Variants in ROBO2 observed in about 807,000 individuals in gnomAD.
The protein encoded by ROBO2 is roundabout homolog 2.
In ROBO2, 53 loss-of-function variants were observed where a neutral mutation model predicts 160.8. That is an observed-to-expected ratio of 0.33 (90% CI 0.26 to 0.41). The LOEUF (loss-of-function observed/expected upper bound fraction) is 0.41, where lower values mean the gene tolerates loss of function less well. ROBO2 is among the 10% of genes least tolerant of loss of function. The pLI, the probability that ROBO2 is intolerant of heterozygous loss-of-function variation, is 1.00. For missense variants in ROBO2, 1,577 were observed against 1,722.4 expected, an observed-to-expected ratio of 0.92 and a Z score of 1.49; for synonymous variants, 664 against 611.7, an observed-to-expected ratio of 1.09 and a Z score of -1.26.
chr3:76,726,563 C>G (rs1355307571), intron 2 of ROBO2, among the ~76,000 whole-genome samples: 1 of 152,014 alleles, frequency 6.6e-6, no homozygotes, highest in Non-Finnish European at 1.5e-5. Context: ...CGAGTGAGTC[C>G]TCTCCACCTC....
intron 2 of ROBO2, among the ~76,000 whole-genome samples, chr3:77,322,945 T>C (rs377541921): frequency 0.12 from 8,486 of 73,098 alleles, 21 homozygotes; most frequent in Non-Finnish European, 0.21. Flanking sequence ...TAATATATTA[T>C]ATTATATTAT....
intron 2 of ROBO2, among the ~76,000 whole-genome samples, chr3:77,238,659 G>A (rs1323569281): frequency 6.6e-6 from 1 of 152,036 alleles, no homozygotes; most frequent in East Asian, 1.9e-4. Flanking sequence ...TAGAAACAGA[G>A]TTCATTTAGT....
intron 1 of ROBO2, among the ~76,000 whole-genome samples, chr3:75,911,107 A>G (rs1457249291): frequency 6.6e-6 from 1 of 152,144 alleles, no homozygotes; most frequent in African/African-American, 2.4e-5. Context: ...AGTGTGATAT[A>G]TATTTTGAAT....
rs528326689 is a variant in ROBO2 at position 76,895,370 on chromosome 3, A to G, written c.110-202644A>G. Among the ~76,000 whole-genome samples, 72 of 152,232 alleles carry G rather than the reference A, an allele frequency of 4.7e-4. 1 individual carries two copies. Among genetic ancestry groups the G allele is most frequent in the African/African-American group, 1.6e-3 (68 of 41,582 alleles). ...AATTTTCAAATAAATAAAATTTGTG[A>G]TAGTTCACACAGAGGCCAGAACATT... On this transcript the variant is annotated intron_variant, in intron 2 of 26. Transcript: ENST00000487694.
intron 2 of ROBO2, among the ~76,000 whole-genome samples, chr3:76,086,468 C>T (rs1371826862): frequency 2.0e-5 from 3 of 152,032 alleles, no homozygotes; most frequent in South Asian, 2.1e-4. Context: ...CCTATGTCAC[C>T]CAATGGGCAG....
At position 76,261,398 on chromosome 3, in the gene ROBO2, G is replaced by A. The variant is rs1046553710; in HGVS notation, c.109+323796G>A. ...AATTTCTTATATGATTTTAAGGGTG[G>A]CACAAATTTTTCTCCTTCAGATAAT... On this transcript the variant is annotated intron_variant, in intron 2 of 26. Transcript: ENST00000487694. Among the ~76,000 whole-genome samples, 75 of 151,788 alleles carry A rather than the reference G, an allele frequency of 4.9e-4. 1 individual carries two copies. Among genetic ancestry groups the A allele is most frequent in the Middle Eastern group, 3.4e-3 (1 of 294 alleles).
At chr3:76,304,957 A>C (rs2071264437) in intron 2 of ROBO2, among the ~76,000 whole-genome samples, 1 of 151,840 alleles carries the variant, frequency 6.6e-6, no homozygotes, top group African/African-American at 2.4e-5. Flanking sequence ...GTGTTCAGGG[A>C]GATGAGTTAC....
intron 23 of ROBO2, chr3:77,630,996 A>G (rs2095149891): frequency 6.7e-6 from 1 of 150,258 alleles, no homozygotes; most frequent in Non-Finnish European, 1.5e-5. Flanking sequence ...TGCAAAGCCT[A>G]CTGCATTATT....
intron 2 of ROBO2, among the ~76,000 whole-genome samples, chr3:76,433,439 A>G (rs1441510861): frequency 1.3e-5 from 2 of 152,228 alleles, no homozygotes; most frequent in African/African-American, 4.8e-5. Flanking sequence ...CCAGTATTTT[A>G]TCTGGCAACC....
intron 2 of ROBO2, among the ~76,000 whole-genome samples, chr3:77,277,212 C>CTTTCTTTCTTTCTTTCTTTCTTCTTTCT (rs762489739): frequency 1.2e-5 from 1 of 80,054 alleles, no homozygotes; most frequent in African/African-American, 5.0e-5. Context: ...TTCTTTCTTT[C>CTTTCTTTCTTTCTTTCTTTCTTCTTTCT]TTCTTTCTTT....
At chr3:75,908,103 A>G (rs866713783) in intron 1 of ROBO2, among the ~76,000 whole-genome samples, 1 of 152,150 alleles carries the variant, frequency 6.6e-6, no homozygotes, top group African/African-American at 2.4e-5. Flanking sequence ...AGTTAGTCAC[A>G]TGACACACTG....
At chr3:76,550,898 G>T (rs1038914093) in intron 2 of ROBO2, among the ~76,000 whole-genome samples, 14 of 152,208 alleles carry the variant, frequency 9.2e-5, no homozygotes, top group African/African-American at 3.4e-4. Flanking sequence ...GCTTAGTGCA[G>T]GCCTGCAGGC....
chr3:76,154,416 G>T (rs1480411326), intron 2 of ROBO2, among the ~76,000 whole-genome samples: 1 of 152,108 alleles, frequency 6.6e-6, no homozygotes, highest in African/African-American at 2.4e-5. Context: ...AGATTAGATA[G>T]AAAAGTTCAC....
chr3:76,067,744 A>G (rs1245366985), intron 2 of ROBO2, among the ~76,000 whole-genome samples: 2 of 152,180 alleles, frequency 1.3e-5, no homozygotes, highest in Non-Finnish European at 2.9e-5. Context: ...GAAAACTACA[A>G]TACCCTCTAG....
At chr3:77,003,899 A>T (rs905417162) in intron 2 of ROBO2, among the ~76,000 whole-genome samples, 16 of 152,194 alleles carry the variant, frequency 1.1e-4, no homozygotes, top group Middle Eastern at 3.4e-3. Flanking sequence ...AAGTTGTGAG[A>T]TGCATGTTTT....
At chr3:77,163,132 G>T (rs1227747296) in intron 2 of ROBO2, among the ~76,000 whole-genome samples, 1 of 152,068 alleles carries the variant, frequency 6.6e-6, no homozygotes, top group Non-Finnish European at 1.5e-5. Context: ...CACCGTACCT[G>T]GCCAAGGGTA....
chr3:76,798,211 G>GAA (rs1303364315), intron 2 of ROBO2, among the ~76,000 whole-genome samples: 12 of 113,236 alleles, frequency 1.1e-4, no homozygotes, highest in African/African-American at 4.0e-4. Context: ...GAAAGAGAAA[G>GAA]AGAAAAAGAA....
At chr3:76,447,152 G>T (rs968301506) in intron 2 of ROBO2, among the ~76,000 whole-genome samples, 9 of 152,046 alleles carry the variant, frequency 5.9e-5, no homozygotes, top group African/African-American at 2.2e-4. Flanking sequence ...TCTGACAAAG[G>T]GCTCATATCC....
intron 2 of ROBO2, among the ~76,000 whole-genome samples, chr3:76,878,982 C>T (rs911084772): frequency 3.3e-5 from 5 of 152,158 alleles, no homozygotes; most frequent in Admixed American, 2.6e-4. Flanking sequence ...TTAACATATT[C>T]AACTTGACTC....
Sources: gnomAD v4.1 joint callset for allele counts (sites outside exome capture counted in the v4.1 genomes callset) on GRCh38, gnomAD v4.1.1 for gene constraint, MANE v1.5 for transcripts, NCBI Gene and HGNC (gene_info 2026-07-23, HGNC 2026-07-21) for gene names.